DNAH8: variants seen among roughly 807,000 people sequenced by gnomAD.
DNAH8 encodes dynein axonemal heavy chain 8.
Under a neutral mutation model 562.1 loss-of-function variants are expected in DNAH8, and 382 were observed. The observed-to-expected ratio is 0.68, with a 90% confidence interval of 0.63 to 0.74. The LOEUF is 0.74. DNAH8 is among the 30% of genes least tolerant of loss of function. The probability of loss-of-function intolerance (pLI) is 0.00; values close to 1 mark genes in which losing one functional copy is unlikely to be tolerated. For synonymous variants in DNAH8, 1,881 were observed against 1,919.4 expected, an observed-to-expected ratio of 0.98 and a Z score of 0.52; for missense variants, 5,203 against 5,620.4, an observed-to-expected ratio of 0.93 and a Z score of 2.37.
At chr6:38,857,982 C>T (rs941633922) in intron 42 of DNAH8, among the ~76,000 whole-genome samples, 1 of 152,088 alleles carries the variant, frequency 6.6e-6, no homozygotes, top group Non-Finnish European at 1.5e-5. Context: ...GCTAATTGTT[C>T]CATTAAACCA....
At chr6:38,912,092 T>C (rs1780950660) in intron 66 of DNAH8, among the ~76,000 whole-genome samples, 1 of 152,172 alleles carries the variant, frequency 6.6e-6, no homozygotes, top group African/African-American at 2.4e-5. Context: ...AAGTAAACAT[T>C]GGAAGAGATT....
At chr6:38,935,397 G>C (rs1217069869) in intron 76 of DNAH8, among the ~76,000 whole-genome samples, 195 bp from the exon 77 acceptor site, 2 of 152,102 alleles carry the variant, frequency 1.3e-5, no homozygotes, top group African/African-American at 4.8e-5. Flanking sequence ...ATGACAGTAG[G>C]CATAATTTTA....
At chr6:38,983,972 C>T (rs981617382) in intron 86 of DNAH8, among the ~76,000 whole-genome samples, 2 of 152,026 alleles carry the variant, frequency 1.3e-5, no homozygotes, top group Non-Finnish European at 2.9e-5. Flanking sequence ...AAATAATATA[C>T]GTGCAATATA....
Position 38,750,206 on chromosome 6 carries a change from A to G in DNAH8, c.1294-270A>G, listed in dbSNP as rs17552839. ...TATAATGTCACAAATAATTAACCTGAAAAAGTCATTCCTGTTAGAAGCAGG... is the reference window on the plus strand; with the variant it reads ...TATAATGTCACAAATAATTAACCTGGAAAAGTCATTCCTGTTAGAAGCAGG... On this transcript the variant is annotated intron_variant, in intron 8 of 92. Coordinates refer to ENST00000327475, the MANE Select transcript of DNAH8 (RefSeq NM_001206927.2). Among the ~76,000 whole-genome samples, 39,437 of 152,142 alleles carry G rather than the reference A, an allele frequency of 0.26. 5,986 individuals carry two copies. The highest frequency in any genetic ancestry group is 0.35 in the Middle Eastern group (104 of 294).
chr6:38,986,207 G>A (rs1405058223), intron 87 of DNAH8, among the ~76,000 whole-genome samples: 1 of 152,202 alleles, frequency 6.6e-6, no homozygotes, highest in African/African-American at 2.4e-5. Context: ...AGGCAACTTA[G>A]GAATCCATCA....
chr6:38,917,061 A>G (rs1326799305), intron 68 of DNAH8, among the ~76,000 whole-genome samples, 178 bp from the exon 69 acceptor site: 1 of 152,228 alleles, frequency 6.6e-6, no homozygotes, highest in Non-Finnish European at 1.5e-5. Context: ...AGAAGAATAC[A>G]TACAAATAAA....
chr6:38,998,371 ACT>A (rs1424419193), intron 88 of DNAH8, among the ~76,000 whole-genome samples: 6 of 152,096 alleles, frequency 3.9e-5, no homozygotes, highest in African/African-American at 7.2e-5. Flanking sequence ...GGTACCAAAG[ACT>A]CTGCAAATTC....
At chr6:38,844,839 C>A (rs1380197494) in intron 35 of DNAH8, among the ~76,000 whole-genome samples, 1 of 152,218 alleles carries the variant, frequency 6.6e-6, no homozygotes, top group Non-Finnish European at 1.5e-5. Context: ...TCACCTCCTC[C>A]TCTACGAAGC....
At chr6:38,870,102 T>C (rs1035361405) in intron 48 of DNAH8, among the ~76,000 whole-genome samples, 5 of 152,132 alleles carry the variant, frequency 3.3e-5, no homozygotes, top group African/African-American at 7.2e-5. Flanking sequence ...GTGAGACTTA[T>C]TCACTATCAT....
In DNAH8 at chr6:38,918,006, C is replaced by G. The variant is rs1035990812; in HGVS notation, c.10390C>G (p.Gln3464Glu). The G allele has an allele frequency of 6.2e-7, 1 of 1,613,700 alleles. No homozygotes were observed. Among genetic ancestry groups the G allele is most frequent in the African/African-American group, 1.3e-5 (1 of 74,922 alleles). ...TINEETVELL[Q>E]PYFNMDDYTF... ...AAATGAAGAGACTGTTGAGTTACTA[C>G]AGCCATATTTTAATATGGATGATTA... The change falls in exon 70 of 93, where the codon CAG becomes GAG. Residue 3464 changes from glutamine (Q) to glutamate (E), a missense_variant. Transcript: ENST00000327475.
In DNAH8 at chr6:38,875,744, C is replaced by G. The variant is rs113332942; in HGVS notation, c.7774C>G (p.Arg2592Gly). The G allele has an allele frequency of 7.4e-6, 12 of 1,613,740 alleles. No individual in the cohort carries two copies. Among genetic ancestry groups the G allele is most frequent in the Non-Finnish European group, 8.5e-6 (10 of 1,179,924 alleles). ...CAGAGAAAAGCTTGAAGCCTTCTTA[C>G]GGCAGCATGAAAGCAAGTTGGACTT... ...ESREKLEAFL[R>G]QHESKLDLPE... The change falls in exon 53 of 93, where the codon CGG becomes GGG. Residue 2592 changes from arginine (R) to glycine (G), a missense_variant. Physicochemically the swap from Arg to Gly is moderately radical, Grantham distance 125. Coordinates refer to ENST00000327475, the MANE Select transcript of DNAH8 (RefSeq NM_001206927.2).
chr6:38,821,572 T>TAAA (rs1477519387), intron 26 of DNAH8, among the ~76,000 whole-genome samples: 2 of 152,202 alleles, frequency 1.3e-5, no homozygotes, highest in Non-Finnish European at 2.9e-5. Flanking sequence ...TACTTGGTTT[T>TAAA]ATTTATTTAG....
In DNAH8 at chr6:38,857,612, A is replaced by G. The variant is rs556109331; in HGVS notation, c.5828A>G (p.Asn1943Ser). The change falls in exon 42 of 93, where the codon AAT becomes AGT. Residue 1943 changes from asparagine to serine, a missense_variant. By Grantham distance (46) the Asn-to-Ser change is conservative (BLOSUM62 1). Around this residue, in one of 6 missense-constraint regions of DNAH8, gnomAD observed 2,176 missense variants for 2,365.1 expected, o/e 0.92. Coordinates refer to ENST00000327475, the MANE Select transcript of DNAH8 (RefSeq NM_001206927.2). ...KDDRKIMQVTNQKFLDILNTL... is the reference protein window; with the variant it reads ...KDDRKIMQVTSQKFLDILNTL... ...GACAGGAAAATCATGCAAGTGACCAATCAGAAATTTTTGGATATTCTAAAT... is the reference window on the plus strand; with the variant it reads ...GACAGGAAAATCATGCAAGTGACCAGTCAGAAATTTTTGGATATTCTAAAT... 25 of 1,613,802 alleles carry G rather than the reference A, an allele frequency of 1.5e-5. No individual in the cohort carries two copies. Among genetic ancestry groups the G allele is most frequent in the African/African-American group, 2.7e-5 (2 of 74,918 alleles).
intron 77 of DNAH8, among the ~76,000 whole-genome samples, chr6:38,937,440 T>A (rs1783065055): frequency 6.6e-6 from 1 of 152,162 alleles, no homozygotes; most frequent in Admixed American, 6.5e-5. Context: ...CCCAATTTGC[T>A]CTTGTTAGAG....
chr6:38,967,282 G>A (rs1224827071), intron 82 of DNAH8, among the ~76,000 whole-genome samples: 2 of 151,810 alleles, frequency 1.3e-5, no homozygotes, highest in Non-Finnish European at 2.9e-5. Flanking sequence ...GTTCTAGATA[G>A]GGCAATCAGA....
At chr6:38,887,134 A>G (rs1652161395) in intron 57 of DNAH8, 130 bp downstream of exon 57, 3 of 633,836 alleles carry the variant, frequency 4.7e-6, no homozygotes, top group Non-Finnish European at 8.3e-6. Context: ...GCTAAACACT[A>G]GGAAAGAGGG....
At chr6:39,020,583 G>A (rs988419091) in intron 91 of DNAH8, among the ~76,000 whole-genome samples, 3 of 152,128 alleles carry the variant, frequency 2.0e-5, no homozygotes, top group African/African-American at 7.2e-5. Context: ...TGTTACATAA[G>A]TATACATGTG....
rs1259894906 is a variant in DNAH8, at chr6:38,929,542, C to T, written c.11150C>T (p.Thr3717Ile). 4 of 1,612,074 alleles carry T rather than the reference C, an allele frequency of 2.5e-6. No individual in the cohort carries two copies. Among genetic ancestry groups the T allele is most frequent in the Non-Finnish European group, 3.4e-6 (4 of 1,179,006 alleles). The change falls in exon 75 of 93, where the codon ACA (threonine) becomes ATA (isoleucine). Residue 3717 changes from threonine to isoleucine, a missense_variant. Around this residue, in one of 6 missense-constraint regions of DNAH8, gnomAD observed 1,399 missense variants for 1,518.4 expected, o/e 0.92. Transcript: ENST00000327475. ...TCTCTGAACCATAAATATTTTCGCA[C>T]ACACTTGGAGGACAGCCTTTCCTTG... ...VTSLNHKYFR[T>I]HLEDSLSLGR...
chr6:38,995,337 A>T (rs1765066249), intron 88 of DNAH8, among the ~76,000 whole-genome samples: 2 of 152,218 alleles, frequency 1.3e-5, no homozygotes, highest in South Asian at 4.1e-4. Context: ...GGAATTTTGC[A>T]TTGATATTCA....
Sources: allele counts gnomAD v4.1 joint callset (sites outside exome capture counted in the v4.1 genomes callset), GRCh38; gene constraint gnomAD v4.1.1; regional missense constraint gnomAD v4.1.1; transcripts MANE v1.5; gene names NCBI Gene and HGNC (gene_info 2026-07-23, HGNC 2026-07-21).